Variants in SLC44A5 observed in about 807,000 individuals in gnomAD.
SLC44A5 encodes the protein choline transporter-like protein 5.
Under a neutral mutation model 101.8 loss-of-function variants are expected in SLC44A5, and 57 were observed. The ratio of observed to expected loss-of-function variants is 0.56; its 90% CI spans 0.45 to 0.70. The LOEUF (loss-of-function observed/expected upper bound fraction) is 0.70. SLC44A5 is among the 30% of genes least tolerant of loss of function. The pLI, the probability that SLC44A5 is intolerant of heterozygous loss-of-function variation, is 0.00. For synonymous variants in SLC44A5, 281 were observed against 290.9 expected (o/e 0.97, Z 0.35); for missense variants, 737 against 853.1 (o/e 0.86, Z 1.70).
chr1:75,255,141 A>G lies in SLC44A5; in HGVS notation c.261-3847T>C, dbSNP rs1030885167. Among the ~76,000 whole-genome samples, 3 of 152,114 alleles carry G rather than the reference A, an allele frequency of 2.0e-5. No individual in the cohort carries two copies. In the East Asian group the frequency reaches 5.8e-4, roughly 29 times the overall value. On this transcript the variant is annotated intron_variant, in intron 6 of 23. Coordinates refer to ENST00000370859, the MANE Select transcript of SLC44A5 (RefSeq NM_001130058.2). ...ATGGTGCAGAGGCCTCCTTGGTAAGATGACTGACTAACACAGCAGCAAAGC... is the reference window on the plus strand; with the variant it reads ...ATGGTGCAGAGGCCTCCTTGGTAAGGTGACTGACTAACACAGCAGCAAAGC...
chr1:75,435,001 G>C (rs1664808605), intron 2 of SLC44A5, among the ~76,000 whole-genome samples: 1 of 152,100 alleles, frequency 6.6e-6, no homozygotes, highest in Admixed American at 6.6e-5. Context: ...CACACACTCT[G>C]TAAGGACATC....
intron 1 of SLC44A5, among the ~76,000 whole-genome samples, chr1:75,543,404 C>G (rs542581135): frequency 4.2e-4 from 63 of 151,752 alleles, no homozygotes; most frequent in African/African-American, 1.5e-3. Flanking sequence ...CAAACCATCC[C>G]GCAAAAATAT....
intron 2 of SLC44A5, among the ~76,000 whole-genome samples, chr1:75,447,229 G>T (rs1665638357): frequency 6.6e-6 from 1 of 151,988 alleles, no homozygotes; most frequent in Non-Finnish European, 1.5e-5. Flanking sequence ...TGGGAGAGAA[G>T]GTATAAAATA....
intron 3 of SLC44A5, among the ~76,000 whole-genome samples, chr1:75,388,466 C>A (rs979262434): frequency 2.0e-5 from 3 of 152,112 alleles, no homozygotes; most frequent in Non-Finnish European, 2.9e-5. Flanking sequence ...ATCCAGCTAA[C>A]AACATCACAA....
intron 4 of SLC44A5, among the ~76,000 whole-genome samples, chr1:75,301,142 C>T (rs918148908): frequency 1.3e-5 from 2 of 152,102 alleles, no homozygotes; most frequent in African/African-American, 2.4e-5. Flanking sequence ...GGATTGACTA[C>T]ATTAACTTTC....
At chr1:75,319,919 C>T (rs531530581) in intron 4 of SLC44A5, among the ~76,000 whole-genome samples, 1 of 152,188 alleles carries the variant, frequency 6.6e-6, no homozygotes, top group South Asian at 2.1e-4. Flanking sequence ...TTTCATTTTC[C>T]TAAGTTTGTT....
At chr1:75,442,959 C>G (rs1208500298) in intron 2 of SLC44A5, among the ~76,000 whole-genome samples, 1 of 152,134 alleles carries the variant, frequency 6.6e-6, no homozygotes, top group Admixed American at 6.6e-5. Flanking sequence ...CCACATACTT[C>G]TAAATAACTC....
intron 23 of SLC44A5, among the ~76,000 whole-genome samples, chr1:75,209,426 G>A (rs1033455715): frequency 1.3e-5 from 2 of 152,118 alleles, no homozygotes; most frequent in Non-Finnish European, 2.9e-5. Flanking sequence ...AGAGCCCTGC[G>A]TCCACCATGT....
intron 4 of SLC44A5, among the ~76,000 whole-genome samples, chr1:75,337,182 C>T (rs2101022872): frequency 6.6e-6 from 1 of 150,980 alleles, no homozygotes. Flanking sequence ...GCTTCCTTCC[C>T]ATTCTTGTTT....
intron 1 of SLC44A5, among the ~76,000 whole-genome samples, chr1:75,571,444 G>A (rs1380992159): frequency 6.6e-6 from 1 of 152,034 alleles, no homozygotes; most frequent in Non-Finnish European, 1.5e-5. Flanking sequence ...CTTTCAATAG[G>A]TCAACTTAAT....
intron 4 of SLC44A5, among the ~76,000 whole-genome samples, chr1:75,322,038 G>T (rs1656191086): frequency 6.6e-6 from 1 of 152,188 alleles, no homozygotes; most frequent in Admixed American, 6.6e-5. Flanking sequence ...TACAGGCCAG[G>T]TGTGGTGGCT....
At chr1:75,506,961 A>C (rs1669296432) in intron 2 of SLC44A5, among the ~76,000 whole-genome samples, 1 of 135,010 alleles carries the variant, frequency 7.4e-6, no homozygotes, top group African/African-American at 2.9e-5. Flanking sequence ...CCAGGCTGGA[A>C]TGCAGTGGCT....
chr1:75,666,479 G>C, the SLC44A5 span, among the ~76,000 whole-genome samples: 1 of 152,136 alleles, frequency 6.6e-6, no homozygotes. Flanking sequence ...TCCAGGACCA[G>C]ATGGATTCAC....
chr1:75,570,071 C>T (rs1672994653), intron 1 of SLC44A5, among the ~76,000 whole-genome samples: 1 of 152,192 alleles, frequency 6.6e-6, no homozygotes. Flanking sequence ...TCACCAATTC[C>T]TACTAGTCAT....
At chr1:75,683,760 A>C in the SLC44A5 span, among the ~76,000 whole-genome samples, 1 of 19,398 alleles carries the variant, frequency 5.2e-5, no homozygotes, top group East Asian at 2.3e-4. Flanking sequence ...GTATAATAAC[A>C]AATAAATAAA....
At chr1:75,536,931 G>A (rs1426416718) in intron 2 of SLC44A5, among the ~76,000 whole-genome samples, 5 of 133,194 alleles carry the variant, frequency 3.8e-5, no homozygotes, top group South Asian at 5.1e-4. Context: ...GCGTGAACCC[G>A]GGAGGCGGAG....
chr1:75,357,996 T>C (rs1406129349), intron 3 of SLC44A5, among the ~76,000 whole-genome samples: 1 of 129,680 alleles, frequency 7.7e-6, no homozygotes, highest in African/African-American at 2.7e-5. Flanking sequence ...GCTTCTTCAA[T>C]GTCACTTACA....
At chr1:75,566,619 G>A (rs1320450269) in intron 1 of SLC44A5, among the ~76,000 whole-genome samples, 2 of 152,172 alleles carry the variant, frequency 1.3e-5, no homozygotes, top group East Asian at 3.8e-4. Flanking sequence ...TGAATGATGT[G>A]TAAATTATGT....
chr1:75,218,672 G>A lies in SLC44A5; in HGVS notation c.1347C>T (p.Tyr449=), dbSNP rs367837082. The A allele has an allele frequency of 4.6e-5, 74 of 1,613,636 alleles. No homozygotes were observed. The East Asian group carries it at 1.0e-3, about 22-fold the overall frequency. The part of the protein sequence containing the change: ...NFAFYGGKSL[Y]HQYIPTFHVY... ...CATGGAAGGTAGGGATGTACTGATG[G>A]TACAAGCTCTTTCCACCATAGAAAG... is the stretch of plus-strand genomic sequence containing the variant. The change falls in exon 17 of 24, where the codon TAC becomes TAT. Residue 449 remains tyrosine, a synonymous_variant. Transcript: ENST00000370859.
Sources: gnomAD v4.1 joint callset for allele counts (sites outside exome capture counted in the v4.1 genomes callset) on GRCh38, gnomAD v4.1.1 for gene constraint, MANE v1.5 for transcripts, NCBI Gene and HGNC (gene_info 2026-07-23, HGNC 2026-07-21) for gene names.